Variants in CTNNA3 observed in about 807,000 individuals in gnomAD.
The protein encoded by CTNNA3 is catenin alpha-3.
Under a neutral mutation model 95.7 loss-of-function variants are expected in CTNNA3, and 76 were observed. The ratio of observed to expected loss-of-function variants is 0.79; its 90% CI spans 0.66 to 0.96. CTNNA3 has a LOEUF of 0.96. Ranked by LOEUF, CTNNA3 falls within the 40% of genes least tolerant of loss-of-function variation. The pLI, the probability that CTNNA3 is intolerant of heterozygous loss-of-function variation, is 0.00. For synonymous variants in CTNNA3, 431 were observed against 374.4 expected, an observed-to-expected ratio of 1.15 and a Z score of -1.74; for missense variants, 1,191 against 1,089.8, an observed-to-expected ratio of 1.09 and a Z score of -1.31.
chr10:66,101,968 A>T (rs939370578), intron 14 of CTNNA3, among the ~76,000 whole-genome samples: 1 of 152,170 alleles, frequency 6.6e-6, no homozygotes, highest in African/African-American at 2.4e-5. Flanking sequence ...ACATGTGAGG[A>T]ATATCAACAT....
chr10:67,344,758 G>T (rs1842349936), intron 5 of CTNNA3, among the ~76,000 whole-genome samples: 1 of 151,648 alleles, frequency 6.6e-6, no homozygotes, highest in African/African-American at 2.4e-5. Flanking sequence ...TCTGCCTAAA[G>T]GTTTGTCAAT....
At chr10:67,177,923 G>C (rs1862321808) in intron 7 of CTNNA3, among the ~76,000 whole-genome samples, 1 of 152,190 alleles carries the variant, frequency 6.6e-6, no homozygotes, top group African/African-American at 2.4e-5. Flanking sequence ...CACAGGGGCA[G>C]CTTCAGGGAC....
intron 1 of CTNNA3, among the ~76,000 whole-genome samples, chr10:67,682,237 G>A (rs564095260): frequency 4.4e-4 from 67 of 151,524 alleles, no homozygotes; most frequent in South Asian, 8.4e-4. Flanking sequence ...TGAGGCAGGA[G>A]AATGGTGTGA....
intron 9 of CTNNA3, among the ~76,000 whole-genome samples, chr10:66,636,109 T>C (rs992524859): frequency 1.3e-5 from 2 of 151,882 alleles, no homozygotes; most frequent in Non-Finnish European, 1.5e-5. Flanking sequence ...TATGTGCATG[T>C]ACTATTATTA....
chr10:67,710,163 C>A (rs951468330), intron 1 of CTNNA3, among the ~76,000 whole-genome samples: 1 of 151,740 alleles, frequency 6.6e-6, no homozygotes, highest in African/African-American at 2.4e-5. Flanking sequence ...GAAGGGAGAG[C>A]GATAAAGGAA....
At chr10:67,078,723 A>G (rs1856872601) in intron 7 of CTNNA3, among the ~76,000 whole-genome samples, 1 of 152,004 alleles carries the variant, frequency 6.6e-6, no homozygotes, top group Admixed American at 6.6e-5. Flanking sequence ...TCACCATGTT[A>G]GCCAGGATGG....
intron 12 of CTNNA3, among the ~76,000 whole-genome samples, chr10:66,289,440 T>G (rs2091642974): frequency 6.6e-6 from 1 of 151,786 alleles, no homozygotes; most frequent in South Asian, 2.1e-4. Flanking sequence ...ACACCCAATA[T>G]ATTAACTTCG....
intron 3 of CTNNA3, among the ~76,000 whole-genome samples, chr10:67,558,070 T>C (rs1841323140): frequency 6.6e-6 from 1 of 152,028 alleles, no homozygotes. Flanking sequence ...TGGAAATGTA[T>C]CTTTTTATCT....
chr10:67,590,580 A>C (rs1842760907), intron 3 of CTNNA3, among the ~76,000 whole-genome samples: 1 of 152,132 alleles, frequency 6.6e-6, no homozygotes, highest in South Asian at 2.1e-4. Context: ...CAGACTTTTT[A>C]ATTTTTGCCA....
intron 11 of CTNNA3, among the ~76,000 whole-genome samples, chr10:66,446,626 C>A (rs1459709570): frequency 6.6e-6 from 1 of 151,916 alleles, no homozygotes; most frequent in Non-Finnish European, 1.5e-5. Context: ...ATCCAAAAAC[C>A]CTTCATGCTA....
chr10:66,102,094 T>C (rs1018787154), intron 14 of CTNNA3, among the ~76,000 whole-genome samples: 1 of 152,112 alleles, frequency 6.6e-6, no homozygotes, highest in Non-Finnish European at 1.5e-5. Context: ...AAACAGAGTA[T>C]GCGCCAGCCT....
intron 12 of CTNNA3, among the ~76,000 whole-genome samples, chr10:66,359,454 T>C (rs2092636686): frequency 6.6e-6 from 1 of 152,184 alleles, no homozygotes; most frequent in South Asian, 2.1e-4. Context: ...TATCTAGGAA[T>C]ATCAGGAATT....
intron 7 of CTNNA3, among the ~76,000 whole-genome samples, chr10:66,944,854 T>C (rs539973093): frequency 5.9e-5 from 9 of 152,222 alleles, no homozygotes; most frequent in African/African-American, 1.9e-4. Flanking sequence ...GGTGACCAGA[T>C]GCATTATCAG....
At chr10:66,724,653 T>A (rs1280940201) in intron 9 of CTNNA3, among the ~76,000 whole-genome samples, 4 of 152,220 alleles carry the variant, frequency 2.6e-5, no homozygotes, top group Admixed American at 2.6e-4. Flanking sequence ...TTTGTGTATA[T>A]ATGTATGTGT....
intron 6 of CTNNA3, among the ~76,000 whole-genome samples, chr10:67,204,441 A>G (rs1863798022): frequency 6.6e-6 from 1 of 152,076 alleles, no homozygotes; most frequent in African/African-American, 2.4e-5. Context: ...TTCCACCACG[A>G]TTGAAAGTTT....
chr10:67,301,739 C>T (rs1402436055), intron 5 of CTNNA3, among the ~76,000 whole-genome samples: 3 of 152,004 alleles, frequency 2.0e-5, no homozygotes, highest in Non-Finnish European at 2.9e-5. Flanking sequence ...GAGGCCAAGG[C>T]GGGTGGATCA....
At chr10:66,765,032 AC>A (rs1839783501) in intron 9 of CTNNA3, among the ~76,000 whole-genome samples, 1 of 152,164 alleles carries the variant, frequency 6.6e-6, no homozygotes, top group South Asian at 2.1e-4. Context: ...GCCATATCTA[AC>A]AGAGTTCTTG....
At position 66,153,885 on chromosome 10, in the gene CTNNA3, A is replaced by G. The variant is rs144426372; in HGVS notation, c.1885-50636T>C. The stretch of plus-strand genomic sequence containing the variant: ...CACACACACACACACACACATACCT[A>G]TATAATATAAATTATACATAATAAG... On this transcript the variant is annotated intron_variant, in intron 13 of 17. Transcript: ENST00000433211. 6.4e-3 allele frequency among the ~76,000 whole-genome samples: 970 copies of G among 151,782 alleles called. 9 individuals carry two copies. Among genetic ancestry groups the G allele is most frequent in the African/African-American group, 0.022 (926 of 41,458 alleles).
chr10:66,579,588 C>T (rs1843117253), intron 10 of CTNNA3, among the ~76,000 whole-genome samples: 1 of 151,744 alleles, frequency 6.6e-6, no homozygotes, highest in Non-Finnish European at 1.5e-5. Flanking sequence ...AATAATATTT[C>T]AGGCCACAGA....
Sources: gnomAD v4.1 joint callset for allele counts (sites outside exome capture counted in the v4.1 genomes callset) on GRCh38, gnomAD v4.1.1 for gene constraint, MANE v1.5 for transcripts, NCBI Gene and HGNC (gene_info 2026-07-23, HGNC 2026-07-21) for gene names.